LINGO2: variants seen among roughly 807,000 people sequenced by gnomAD.
The protein encoded by LINGO2 is leucine-rich repeat and immunoglobulin-like domain-containing nogo receptor-interacting protein 2.
Under a neutral mutation model 30.6 loss-of-function variants are expected in LINGO2, and 14 were observed. The ratio of observed to expected loss-of-function variants is 0.46; its 90% CI spans 0.30 to 0.72. The LOEUF (loss-of-function observed/expected upper bound fraction) is 0.72, where lower values mean the gene tolerates loss of function less well. LINGO2 is among the 30% of genes least tolerant of loss of function. LINGO2 has a pLI of 0.07. For synonymous variants in LINGO2, 317 were observed against 288.5 expected, an observed-to-expected ratio of 1.10 and a Z score of -1.00; for missense variants, 729 against 751.7, an observed-to-expected ratio of 0.97 and a Z score of 0.35.
At chr9:28,028,711 C>T (rs1462605865) in intron 4 of LINGO2, among the ~76,000 whole-genome samples, 2 of 151,492 alleles carry the variant, frequency 1.3e-5, no homozygotes, top group Non-Finnish European at 1.5e-5. Context: ...ATATAAATGC[C>T]ATGCAAATTG....
chr9:27,982,588 G>C (rs1055838636), intron 5 of LINGO2, among the ~76,000 whole-genome samples: 1 of 151,816 alleles, frequency 6.6e-6, no homozygotes, highest in African/African-American at 2.4e-5. Context: ...GGGAAACTGA[G>C]GCATATAAAG....
At chr9:28,027,996 G>T (rs1220295670) in intron 4 of LINGO2, among the ~76,000 whole-genome samples, 1 of 152,102 alleles carries the variant, frequency 6.6e-6, no homozygotes, top group Non-Finnish European at 1.5e-5. Context: ...ATTCATAAAT[G>T]GAGGTTTTTT....
chr9:28,220,134 T>G (rs894506846), intron 4 of LINGO2, among the ~76,000 whole-genome samples: 1 of 152,142 alleles, frequency 6.6e-6, no homozygotes, highest in African/African-American at 2.4e-5. Context: ...GGAGGATGTA[T>G]GTATGTTATA....
the LINGO2 span, among the ~76,000 whole-genome samples, chr9:29,155,861 A>G: frequency 1.3e-5 from 2 of 152,096 alleles, no homozygotes; most frequent in African/African-American, 4.8e-5. Flanking sequence ...CTAAGAGCAT[A>G]GAAGAATTCA....
In LINGO2 at chr9:28,130,319, TAA is replaced by T. The variant is rs1421476804; in HGVS notation, c.-86-117916_-86-117915del. On this transcript the variant is annotated intron_variant, in intron 4 of 5. Coordinates refer to ENST00000379992, the Ensembl canonical transcript of LINGO2. The surrounding 1 kb of genome is among the most constrained non-coding windows in gnomAD (Gnocchi z 5.2). ...TGGATTCAAAAAGGTTAGCCACTGA[TAA>T]GTCTTATATTCAACTCTCCCTCTAG... Among the ~76,000 whole-genome samples, 3 of 152,222 alleles carry T rather than the reference TAA, an allele frequency of 2.0e-5. No individual in the cohort carries two copies. The highest frequency in any genetic ancestry group is 3.2e-3 in the Middle Eastern group (1 of 316).
intron 4 of LINGO2, among the ~76,000 whole-genome samples, chr9:28,076,894 G>A (rs1402607167): frequency 6.6e-6 from 1 of 152,012 alleles, no homozygotes; most frequent in Non-Finnish European, 1.5e-5. Flanking sequence ...ATAAACCAAG[G>A]GGTTCATTCT....
chr9:28,026,547 C>T (rs1293733159), intron 4 of LINGO2, among the ~76,000 whole-genome samples: 1 of 152,188 alleles, frequency 6.6e-6, no homozygotes, highest in Non-Finnish European at 1.5e-5. Flanking sequence ...TTCATTACTG[C>T]ACTACTGCAT....
the LINGO2 span, among the ~76,000 whole-genome samples, chr9:29,163,071 G>A: frequency 1.3e-5 from 2 of 152,080 alleles, no homozygotes; most frequent in South Asian, 2.1e-4. Context: ...AACTTGTGAC[G>A]GCATAAATCA....
the LINGO2 span, among the ~76,000 whole-genome samples, chr9:28,686,529 A>G: frequency 6.6e-6 from 1 of 152,036 alleles, no homozygotes. Flanking sequence ...GTAAGATTTC[A>G]TTTCATAGAG....
At chr9:28,875,978 C>G in the LINGO2 span, among the ~76,000 whole-genome samples, 1 of 151,992 alleles carries the variant, frequency 6.6e-6, no homozygotes, top group Non-Finnish European at 1.5e-5. Context: ...TCTGACATTT[C>G]ATGTTTTATA....
intron 3 of LINGO2, among the ~76,000 whole-genome samples, chr9:28,356,325 T>G (rs1290762438): frequency 6.6e-6 from 1 of 152,124 alleles, no homozygotes; most frequent in Non-Finnish European, 1.5e-5. Context: ...AGACATGACC[T>G]CCTAGGTTTG....
At chr9:28,725,064 GA>G in the LINGO2 span, among the ~76,000 whole-genome samples, 1 of 151,550 alleles carries the variant, frequency 6.6e-6, no homozygotes, top group Admixed American at 6.6e-5. Flanking sequence ...ATCTACACCT[GA>G]AAAAAAATTC....
chr9:28,880,952 C>T, the LINGO2 span, among the ~76,000 whole-genome samples: 3 of 152,192 alleles, frequency 2.0e-5, no homozygotes, highest in Admixed American at 6.6e-5. Flanking sequence ...GATTCTTTTG[C>T]TCACATGTTT....
At chr9:28,827,869 A>C in the LINGO2 span, among the ~76,000 whole-genome samples, 3 of 152,130 alleles carry the variant, frequency 2.0e-5, no homozygotes, top group African/African-American at 7.2e-5. Flanking sequence ...GTGAACCAAG[A>C]ATGTGACTTT....
intron 1 of LINGO2, among the ~76,000 whole-genome samples, chr9:28,542,286 G>A (rs986955567): frequency 6.6e-6 from 1 of 151,472 alleles, no homozygotes; most frequent in African/African-American, 2.4e-5. Flanking sequence ...AAAAAAACAG[G>A]CAGCTGCAAG....
chr9:28,690,528 G>C, the LINGO2 span, among the ~76,000 whole-genome samples: 1 of 152,032 alleles, frequency 6.6e-6, no homozygotes, highest in Non-Finnish European at 1.5e-5. Context: ...TTTCTTAGTA[G>C]GAAAATTTGT....
chr9:28,056,095 G>A (rs1204976699), intron 4 of LINGO2, among the ~76,000 whole-genome samples: 2 of 152,170 alleles, frequency 1.3e-5, no homozygotes, highest in African/African-American at 2.4e-5. Flanking sequence ...CGCTTTCAGT[G>A]AGCAAAGGCA....
At chr9:28,140,429 A>T (rs1827640065) in intron 4 of LINGO2, among the ~76,000 whole-genome samples, 1 of 152,208 alleles carries the variant, frequency 6.6e-6, no homozygotes, top group Non-Finnish European at 1.5e-5. Flanking sequence ...GACCCAAAGG[A>T]GAGTAGCCAT....
chr9:28,326,318 A>G (rs1825228435), intron 3 of LINGO2, among the ~76,000 whole-genome samples: 1 of 152,180 alleles, frequency 6.6e-6, no homozygotes, highest in Admixed American at 6.5e-5. Context: ...AACTGTTTTT[A>G]TAATGCTGTA....
Sources: allele counts gnomAD v4.1 joint callset (sites outside exome capture counted in the v4.1 genomes callset), GRCh38; gene constraint gnomAD v4.1.1; non-coding constraint Gnocchi (gnomAD v3.1); transcripts MANE v1.5; gene names NCBI Gene and HGNC (gene_info 2026-07-23, HGNC 2026-07-21).